Variants in CRTC3 observed in about 807,000 individuals in gnomAD.
CRTC3 encodes CREB-regulated transcription coactivator 3.
A neutral mutation model predicts 74.5 loss-of-function variants in CRTC3; 26 were observed. The observed-to-expected ratio is 0.35, with a 90% confidence interval of 0.26 to 0.48. CRTC3 has a LOEUF of 0.48. Ranked by LOEUF, CRTC3 falls within the 20% of genes least tolerant of loss-of-function variation. The probability of loss-of-function intolerance (pLI) is 0.99; values close to 1 mark genes in which losing one functional copy is unlikely to be tolerated. For missense variants in CRTC3, 760 were observed against 787.3 expected (o/e 0.97, Z 0.41); for synonymous variants, 377 against 325.8 (o/e 1.16, Z -1.69).
chr15:90,634,541 C>T (rs1315567339), intron 11 of CRTC3, among the ~76,000 whole-genome samples: 1 of 152,200 alleles, frequency 6.6e-6, no homozygotes, highest in Admixed American at 6.5e-5. Context: ...ACAACTACTT[C>T]TTCCTGCACA....
intron 8 of CRTC3, among the ~76,000 whole-genome samples, chr15:90,619,389 G>A (rs1170328901): frequency 6.6e-6 from 1 of 152,180 alleles, no homozygotes; most frequent in Admixed American, 6.5e-5. Context: ...CCCAGGAAGC[G>A]GAGGTTGCTG....
At chr15:90,628,452 C>G (rs552186542) in intron 10 of CRTC3, among the ~76,000 whole-genome samples, 1 of 152,128 alleles carries the variant, frequency 6.6e-6, no homozygotes, top group South Asian at 2.1e-4. Context: ...ATTCACTGGG[C>G]GAACCTGCTC....
chr15:90,531,087 G>T (rs1286783079), intron 1 of CRTC3, among the ~76,000 whole-genome samples: 1 of 151,890 alleles, frequency 6.6e-6, no homozygotes, highest in East Asian at 1.9e-4. Flanking sequence ...TGAGGCGGGG[G>T]AGACAGTTTG....
rs1969061663 is a variant in CRTC3, at chr15:90,632,137, G to T, written c.1266+2605G>T. Among the ~76,000 whole-genome samples, 4 of 148,692 alleles carry T rather than the reference G, an allele frequency of 2.7e-5. 2 individuals are homozygous for T. In the South Asian group the frequency reaches 8.5e-4, roughly 31 times the overall value. The stretch of plus-strand genomic sequence containing the variant: ...TTGCCCAGGCTAGTCCATAATTATT[G>T]TTTTCGTGGTTCTTATGTTATTGAA... On this transcript the variant is annotated intron_variant, in intron 11 of 14. Coordinates refer to ENST00000268184, the MANE Select transcript of CRTC3 (RefSeq NM_022769.5).
intron 11 of CRTC3, chr15:90,635,174 T>C: frequency 1.8e-6 from 1 of 549,494 alleles, no homozygotes; most frequent in Admixed American, 3.1e-5. Context: ...CCAAAATTGT[T>C]TCCTTGTACT....
At chr15:90,545,050 CTA>C (rs1159046826) in intron 2 of CRTC3, among the ~76,000 whole-genome samples, 1 of 152,218 alleles carries the variant, frequency 6.6e-6, no homozygotes, top group African/African-American at 2.4e-5. Flanking sequence ...TTTTCTGTCT[CTA>C]TGACTTTGAC....
intron 2 of CRTC3, among the ~76,000 whole-genome samples, chr15:90,573,339 A>C (rs1967321771): frequency 1.3e-5 from 2 of 151,970 alleles, no homozygotes; most frequent in Admixed American, 1.3e-4. Context: ...TTCTCCATCT[A>C]GTAGTTTTTG....
At chr15:90,561,052 A>C (rs1371958859) in intron 2 of CRTC3, among the ~76,000 whole-genome samples, 1 of 152,232 alleles carries the variant, frequency 6.6e-6, no homozygotes, top group Non-Finnish European at 1.5e-5. Context: ...ACCACTAACT[A>C]GCACTGGATC....
At chr15:90,580,400 C>T (rs1192685150) in intron 2 of CRTC3, among the ~76,000 whole-genome samples, 1 of 151,636 alleles carries the variant, frequency 6.6e-6, no homozygotes, top group Non-Finnish European at 1.5e-5. Flanking sequence ...TCCTTAGTGT[C>T]AGTCCCGCTG....
At chr15:90,637,050 C>T (rs1362127759) in intron 11 of CRTC3, among the ~76,000 whole-genome samples, 4 of 152,232 alleles carry the variant, frequency 2.6e-5, no homozygotes, top group Non-Finnish European at 5.9e-5. Context: ...CATCCCATTA[C>T]TGGGTATATA....
chr15:90,641,390 A>G, intron 14 of CRTC3, 191 bp downstream of exon 14: 1 of 573,148 alleles, frequency 1.7e-6, no homozygotes, highest in Admixed American at 3.0e-5. Flanking sequence ...CCTGGTAGTC[A>G]AAGCCTTTTC....
intron 4 of CRTC3, 134 bp from the exon 5 acceptor site, chr15:90,604,251 T>G: frequency 1.5e-6 from 1 of 675,256 alleles, no homozygotes; most frequent in Non-Finnish European, 2.7e-6. Flanking sequence ...ATGAGCGAGG[T>G]GTGGGGTATT....
intron 2 of CRTC3, among the ~76,000 whole-genome samples, chr15:90,581,044 A>G (rs937988838): frequency 6.6e-6 from 1 of 152,252 alleles, no homozygotes; most frequent in African/African-American, 2.4e-5. Context: ...AAGGGAGAAC[A>G]TATCAGAAGC....
intron 13 of CRTC3, among the ~76,000 whole-genome samples, chr15:90,639,297 C>T (rs1969354207): frequency 6.6e-6 from 1 of 152,126 alleles, no homozygotes; most frequent in Non-Finnish European, 1.5e-5. Flanking sequence ...GTATTTTCAA[C>T]TCGGCCACTT....
At chr15:90,600,708 G>A (rs1251655004) in intron 3 of CRTC3, 2 of 152,194 alleles carry the variant, frequency 1.3e-5, no homozygotes, top group African/African-American at 4.8e-5. Context: ...CACACAGTAG[G>A]TGCTTAGATA....
intron 3 of CRTC3, chr15:90,598,330 G>A: frequency 1.5e-6 from 1 of 668,842 alleles, no homozygotes; most frequent in African/African-American, 1.8e-5. Context: ...CAGCTTCTGT[G>A]GCTCAGTAAC....
intron 9 of CRTC3, among the ~76,000 whole-genome samples, chr15:90,622,803 A>T (rs1239039830): frequency 6.7e-6 from 1 of 149,586 alleles, no homozygotes; most frequent in Non-Finnish European, 1.5e-5. Context: ...GTGAGCCAAG[A>T]TCGCACCACT....
At position 90,629,256 on chromosome 15, in the gene CRTC3, C is replaced by A. The variant is rs375335188; in HGVS notation, c.990C>A (p.Asn330Lys). 6.2e-7 allele frequency: 1 copy of A among 1,613,634 alleles called. No homozygotes were observed. Among genetic ancestry groups the A allele is most frequent in the South Asian group, 1.1e-5 (1 of 91,066 alleles). Residue 330 changes from asparagine (N) to lysine (K), a missense_variant, in exon 11 of 15, where the codon AAC (asparagine) becomes AAA (lysine). Asn to Lys is a moderately conservative substitution (Grantham distance 94, BLOSUM62 0). Transcript: ENST00000268184. ...CAGGTCTCCAGAGTTCTCGGAGTAACCCCTCCATCCAAGCCACGCTCAATA... is the reference window on the plus strand; with the variant it reads ...CAGGTCTCCAGAGTTCTCGGAGTAAACCCTCCATCCAAGCCACGCTCAATA... ...SSSGLQSSRS[N>K]PSIQATLNKT... is the part of the protein sequence containing the mutation.
At chr15:90,569,622 C>T (rs922462379) in intron 2 of CRTC3, among the ~76,000 whole-genome samples, 1 of 151,158 alleles carries the variant, frequency 6.6e-6, no homozygotes, top group South Asian at 2.1e-4. Flanking sequence ...GCTCTGTCAC[C>T]CAGGCTGGAG....
Sources: allele counts gnomAD v4.1 joint callset (sites outside exome capture counted in the v4.1 genomes callset), GRCh38; gene constraint gnomAD v4.1.1; transcripts MANE v1.5; gene names NCBI Gene and HGNC (gene_info 2026-07-23, HGNC 2026-07-21).